FRMD4B: variants seen among roughly 807,000 people sequenced by gnomAD.
FRMD4B encodes FERM domain-containing protein 4B.
A neutral mutation model predicts 141.5 loss-of-function variants in FRMD4B; 74 were observed. That is an observed-to-expected ratio of 0.52 (90% CI 0.43 to 0.63). FRMD4B has a LOEUF of 0.63. FRMD4B is among the 30% of genes least tolerant of loss of function. FRMD4B has a pLI of 0.00. For synonymous variants in FRMD4B, 506 were observed against 467.9 expected, an observed-to-expected ratio of 1.08 and a Z score of -1.05; for missense variants, 1,366 against 1,253.4, an observed-to-expected ratio of 1.09 and a Z score of -1.36.
chr3:69,497,534 T>A (rs886091659), intron 1 of FRMD4B, among the ~76,000 whole-genome samples: 1 of 152,114 alleles, frequency 6.6e-6, no homozygotes, highest in Non-Finnish European at 1.5e-5. Flanking sequence ...GACTGGTAAG[T>A]TACCTGAACT....
At chr3:69,186,377 C>A (rs1212877319) in intron 19 of FRMD4B, among the ~76,000 whole-genome samples, 1 of 151,308 alleles carries the variant, frequency 6.6e-6, no homozygotes, top group East Asian at 2.0e-4. Flanking sequence ...TCCCAAGTAG[C>A]TAGGACTACA....
chr3:69,418,452 T>C (rs530103887), intron 2 of FRMD4B, among the ~76,000 whole-genome samples: 148 of 152,218 alleles, frequency 9.7e-4, no homozygotes, highest in Non-Finnish European at 1.3e-3. Flanking sequence ...GCAAAGATGA[T>C]GGGGTGTCAC....
chr3:69,238,675 C>A (rs146850692), intron 7 of FRMD4B, among the ~76,000 whole-genome samples: 1 of 152,032 alleles, frequency 6.6e-6, no homozygotes, highest in Non-Finnish European at 1.5e-5. Flanking sequence ...CCCAGCTACT[C>A]GGGAGGCTGA....
intron 5 of FRMD4B, among the ~76,000 whole-genome samples, chr3:69,258,265 C>T (rs577800876): frequency 6.6e-6 from 1 of 152,096 alleles, no homozygotes; most frequent in Non-Finnish European, 1.5e-5. Context: ...TGCGCCCAGC[C>T]AGTATATTCA....
chr3:69,301,951 A>G (rs1046166742), intron 4 of FRMD4B, among the ~76,000 whole-genome samples: 5 of 152,250 alleles, frequency 3.3e-5, no homozygotes, highest in African/African-American at 1.2e-4. Flanking sequence ...AGAAAACATT[A>G]TTGCCACGTA....
At chr3:69,245,815 G>A (rs1288997337) in intron 7 of FRMD4B, among the ~76,000 whole-genome samples, 2 of 147,218 alleles carry the variant, frequency 1.4e-5, no homozygotes, top group African/African-American at 2.5e-5. Context: ...AGGCGTCTGC[G>A]AACGTGCCAG....
upstream of FRMD4B, among the ~76,000 whole-genome samples, chr3:69,388,893 T>G (rs1442059039): frequency 2.0e-5 from 3 of 152,166 alleles, no homozygotes; most frequent in African/African-American, 7.2e-5. Flanking sequence ...GTTATATGGA[T>G]ATATTGCATT....
intron 12 of FRMD4B, among the ~76,000 whole-genome samples, chr3:69,197,459 G>A (rs2092919668): frequency 6.6e-6 from 1 of 152,046 alleles, no homozygotes; most frequent in Non-Finnish European, 1.5e-5. Context: ...AGGTAGATTT[G>A]GCCGGCTCTG....
At chr3:69,486,357 A>G (rs1706216288) in intron 1 of FRMD4B, among the ~76,000 whole-genome samples, 1 of 152,086 alleles carries the variant, frequency 6.6e-6, no homozygotes, top group Admixed American at 6.6e-5. Context: ...GTGGTCTTTT[A>G]TCCCTCGCCC....
At chr3:69,447,296 G>C (rs1295926792) in intron 1 of FRMD4B, among the ~76,000 whole-genome samples, 1 of 152,102 alleles carries the variant, frequency 6.6e-6, no homozygotes, top group Non-Finnish European at 1.5e-5. Context: ...TCATATATGT[G>C]AAGATGAGAC....
At chr3:69,520,483 A>G (rs1031055930) in intron 1 of FRMD4B, among the ~76,000 whole-genome samples, 2 of 150,540 alleles carry the variant, frequency 1.3e-5, no homozygotes, top group African/African-American at 4.9e-5. Context: ...CTTGGGCTGC[A>G]CCCTGCAACC....
intron 7 of FRMD4B, among the ~76,000 whole-genome samples, chr3:69,239,397 A>T (rs2093366768): frequency 6.6e-6 from 1 of 152,172 alleles, no homozygotes; most frequent in African/African-American, 2.4e-5. Context: ...ATGGGGATCA[A>T]CTGTCAAGCT....
chr3:69,466,891 A>C (rs1013196766), intron 1 of FRMD4B, among the ~76,000 whole-genome samples: 3 of 152,018 alleles, frequency 2.0e-5, no homozygotes, highest in African/African-American at 7.2e-5. Context: ...TTGTAGAGTC[A>C]GGGTCTCACC....
In FRMD4B at chr3:69,170,322, AG is replaced by A. The variant is rs1231061305; in HGVS notation, c.*1538del. ...TGTAAAAAAATAATAGGTCTTGAAA[AG>A]TCAGAACAATAAAAGAATATGCAAA... is the stretch of plus-strand genomic sequence containing the variant. On this transcript the variant is annotated 3_prime_UTR_variant, in exon 23 of 23. Transcript: ENST00000398540. 1 of 152,232 alleles carries A rather than the reference AG, an allele frequency of 6.6e-6. No homozygotes were observed. Among genetic ancestry groups the A allele is most frequent in the African/African-American group, 2.4e-5 (1 of 41,472 alleles). 9.4% of individuals were successfully genotyped at this position (152,232 alleles called of 1,614,324 possible). A position where few individuals can be genotyped will look rare whatever the true frequency, so the allele number is the denominator to read the frequency against.
chr3:69,467,116 C>T (rs1575812581), intron 1 of FRMD4B, among the ~76,000 whole-genome samples: 1 of 152,192 alleles, frequency 6.6e-6, no homozygotes, highest in South Asian at 2.1e-4. Flanking sequence ...AGAGGTCCCA[C>T]TGTATTTTCT....
At chr3:69,531,263 C>A (rs1392442895) in intron 1 of FRMD4B, among the ~76,000 whole-genome samples, 2 of 152,112 alleles carry the variant, frequency 1.3e-5, no homozygotes, top group East Asian at 3.9e-4. Flanking sequence ...GGATCTGTGA[C>A]TATTCACATA....
chr3:69,378,214 A>G (rs1322969030), intron 1 of FRMD4B, among the ~76,000 whole-genome samples: 1 of 152,124 alleles, frequency 6.6e-6, no homozygotes, highest in East Asian at 1.9e-4. Flanking sequence ...CTACCTAAGG[A>G]ACCAAATCTG....
intron 1 of FRMD4B, among the ~76,000 whole-genome samples, chr3:69,352,585 A>C (rs977210619): frequency 2.6e-5 from 4 of 152,110 alleles, no homozygotes; most frequent in African/African-American, 9.7e-5. Flanking sequence ...ACATCTACCC[A>C]TCAAGGAAGA....
chr3:69,368,717 G>C (rs1703739550), intron 1 of FRMD4B, among the ~76,000 whole-genome samples: 1 of 152,218 alleles, frequency 6.6e-6, no homozygotes, highest in African/African-American at 2.4e-5. Flanking sequence ...GAGTGCAGTG[G>C]TGCAATCACG....
Sources: gnomAD v4.1 joint callset for allele counts (sites outside exome capture counted in the v4.1 genomes callset) on GRCh38, gnomAD v4.1.1 for gene constraint, MANE v1.5 for transcripts, NCBI Gene and HGNC (gene_info 2026-07-23, HGNC 2026-07-21) for gene names.